The following FHIT variants were observed in gnomAD, a reference collection of about 807,000 sequenced individuals.
FHIT encodes fragile histidine triad diadenosine triphosphatase.
FHIT carries 19 observed loss-of-function variants against 17.9 expected under a neutral mutation model. That is an observed-to-expected ratio of 1.06 (90% CI 0.74 to 1.56). FHIT has a LOEUF of 1.56. FHIT is among the 40% of genes most tolerant of loss of function. The pLI, the probability that FHIT is intolerant of heterozygous loss-of-function variation, is 0.00. For missense variants in FHIT, 248 were observed against 189.2 expected, an observed-to-expected ratio of 1.31 and a Z score of -1.82; for synonymous variants, 81 against 69.7, an observed-to-expected ratio of 1.16 and a Z score of -0.81.
At chr3:60,870,878 C>T (rs1231831134) in intron 3 of FHIT, among the ~76,000 whole-genome samples, 2 of 152,064 alleles carry the variant, frequency 1.3e-5, no homozygotes, top group African/African-American at 2.4e-5. Context: ...AATGAGTGTA[C>T]CCCAGGAGAA....
rs28590688 is a variant in FHIT at position 60,997,013 on chromosome 3, G to T, written c.-111+45034C>A. 8.8e-3 allele frequency among the ~76,000 whole-genome samples: 1,338 copies of T among 152,198 alleles called. 21 individuals are homozygous for T. Among genetic ancestry groups the T allele is most frequent in the African/African-American group, 0.029 (1,218 of 41,524 alleles). Reference sequence around the variant, plus strand: ...ATTAACTCCCTGAATATTTCTAATGGGCTTCTCAGCATTATTGAGTAAAAC... The same window carrying T: ...ATTAACTCCCTGAATATTTCTAATGTGCTTCTCAGCATTATTGAGTAAAAC... On this transcript the variant is annotated intron_variant, in intron 3 of 9. Coordinates refer to ENST00000492590, the MANE Select transcript of FHIT (RefSeq NM_002012.4).
At chr3:60,180,062 CACAAACTGGG>C (rs1422547096) in intron 5 of FHIT, among the ~76,000 whole-genome samples, 4 of 152,088 alleles carry the variant, frequency 2.6e-5, no homozygotes, top group African/African-American at 9.7e-5. Context: ...GCTGTAACCA[CACAAACTGGG>C]ACAAGCAGCC....
At chr3:60,741,468 C>A (rs1306183112) in intron 4 of FHIT, among the ~76,000 whole-genome samples, 12 of 152,204 alleles carry the variant, frequency 7.9e-5, no homozygotes, top group South Asian at 2.1e-4. Flanking sequence ...GAAAACTGAC[C>A]AATGAGAAAG....
At chr3:60,559,753 G>A (rs1559539552) in intron 4 of FHIT, among the ~76,000 whole-genome samples, 1 of 151,782 alleles carries the variant, frequency 6.6e-6, no homozygotes. Context: ...GAAAAAGCAT[G>A]TCCCTCTTAC....
At chr3:60,203,377 T>C (rs1044533380) in intron 5 of FHIT, among the ~76,000 whole-genome samples, 1 of 152,206 alleles carries the variant, frequency 6.6e-6, no homozygotes, top group Non-Finnish European at 1.5e-5. Flanking sequence ...AAAATATTTG[T>C]ATGATAATAA....
intron 8 of FHIT, among the ~76,000 whole-genome samples, chr3:59,852,011 C>T (rs527661431): frequency 6.6e-6 from 1 of 152,242 alleles, no homozygotes; most frequent in South Asian, 2.1e-4. Context: ...TAAGATTCAC[C>T]CAGTCGGGGG....
chr3:60,615,402 T>C (rs2038921668), intron 4 of FHIT, among the ~76,000 whole-genome samples: 1 of 152,212 alleles, frequency 6.6e-6, no homozygotes, highest in Non-Finnish European at 1.5e-5. Flanking sequence ...AACTCTTCAC[T>C]AACATCTCAA....
chr3:60,460,702 T>C (rs115327627), intron 5 of FHIT, among the ~76,000 whole-genome samples: 1,885 of 152,328 alleles, frequency 0.012, 13 homozygotes, highest in South Asian at 0.044. Flanking sequence ...TGCTGTGATT[T>C]ACAATCCTCA....
chr3:61,173,199 C>T (rs535395949), intron 2 of FHIT, among the ~76,000 whole-genome samples: 11 of 151,960 alleles, frequency 7.2e-5, no homozygotes, highest in Admixed American at 2.0e-4. Flanking sequence ...GTTCATAATC[C>T]ATCCTGTCAT....
intron 1 of FHIT, among the ~76,000 whole-genome samples, chr3:61,221,864 C>T (rs182850695): frequency 5.1e-4 from 78 of 152,364 alleles, no homozygotes; most frequent in African/African-American, 1.3e-3. Context: ...TGGGGTCCAA[C>T]GTCCAACCAG....
intron 8 of FHIT, among the ~76,000 whole-genome samples, chr3:59,815,121 T>C (rs1700550907): frequency 6.6e-6 from 1 of 152,210 alleles, no homozygotes; most frequent in Non-Finnish European, 1.5e-5. Flanking sequence ...GGCCCATCCC[T>C]AGATCCACAT....
At chr3:60,864,785 C>G (rs1291030207) in intron 3 of FHIT, among the ~76,000 whole-genome samples, 5 of 152,082 alleles carry the variant, frequency 3.3e-5, no homozygotes, top group Admixed American at 3.3e-4. Context: ...AGTGGACACT[C>G]TTAGGAACGC....
intron 7 of FHIT, among the ~76,000 whole-genome samples, chr3:59,987,051 A>C (rs368928881): frequency 0.33 from 44,432 of 135,096 alleles, 8,700 homozygotes; most frequent in East Asian, 0.49. Context: ...ATATATAAAA[A>C]TATAAAATAT....
intron 1 of FHIT, among the ~76,000 whole-genome samples, chr3:61,210,897 T>C (rs970225461): frequency 6.6e-6 from 1 of 151,830 alleles, no homozygotes; most frequent in African/African-American, 2.4e-5. Flanking sequence ...TCTGTGTCGC[T>C]CACACTGGGA....
intron 3 of FHIT, among the ~76,000 whole-genome samples, chr3:60,837,095 C>T (rs1042458063): frequency 5.3e-5 from 8 of 152,108 alleles, no homozygotes; most frequent in African/African-American, 1.9e-4. Flanking sequence ...AGCTGGGTCT[C>T]CAAGCTTATT....
At chr3:60,520,092 A>G (rs1479900688) in intron 5 of FHIT, among the ~76,000 whole-genome samples, 1 of 152,210 alleles carries the variant, frequency 6.6e-6, no homozygotes, top group Non-Finnish European at 1.5e-5. Flanking sequence ...CTCAACTGCA[A>G]GTGGCACCAT....
Position 59,859,051 on chromosome 3 carries a change from G to A in FHIT, c.348+63295C>T, listed in dbSNP as rs527239503. On this transcript the variant is annotated intron_variant, in intron 8 of 9. Transcript: ENST00000492590. ...CTTGATTTCTAAAATCATTCTACACGGACAGGAACCAGAGCTGCTTGGAGA... is the reference window on the plus strand; with the variant it reads ...CTTGATTTCTAAAATCATTCTACACAGACAGGAACCAGAGCTGCTTGGAGA... Among the ~76,000 whole-genome samples, 31 of 152,212 alleles carry A rather than the reference G, an allele frequency of 2.0e-4. No homozygotes were observed. In the South Asian group the frequency reaches 5.4e-3, roughly 27 times the overall value.
chr3:60,722,920 C>T (rs1165186542), intron 4 of FHIT, among the ~76,000 whole-genome samples: 2 of 152,040 alleles, frequency 1.3e-5, no homozygotes, highest in Non-Finnish European at 1.5e-5. Flanking sequence ...GACTGGGTTT[C>T]ACCACATTGG....
intron 5 of FHIT, among the ~76,000 whole-genome samples, chr3:60,320,330 T>C (rs996977666): frequency 1.6e-4 from 25 of 152,010 alleles, no homozygotes; most frequent in African/African-American, 6.0e-4. Context: ...GACTAGGTGG[T>C]GGTTAAGAAA....
Sources: gnomAD v4.1 joint callset for allele counts (sites outside exome capture counted in the v4.1 genomes callset) on GRCh38, gnomAD v4.1.1 for gene constraint, MANE v1.5 for transcripts, NCBI Gene and HGNC (gene_info 2026-07-23, HGNC 2026-07-21) for gene names.